The following COXFA4L2 variants were observed in gnomAD, a reference collection of about 807,000 sequenced individuals.
The protein encoded by COXFA4L2 is NADH dehydrogenase (ubiquinone) 1 alpha subcomplex, 4-like 2.
chr12:57,235,088 G>A, the COXFA4L2 span: 1 of 166,470 alleles, frequency 6.0e-6, no homozygotes, highest in East Asian at 1.7e-4. Context: ...AGGAGGCAAA[G>A]GTGCCCCAGC....
chr12:57,236,945 G>A, the COXFA4L2 span: 10 of 1,566,392 alleles, frequency 6.4e-6, no homozygotes, highest in South Asian at 1.0e-4. Flanking sequence ...AGGGACCTGG[G>A]CACAAGGCAA....
At chr12:57,237,204 C>T in the COXFA4L2 span, 27 of 1,581,364 alleles carry the variant, frequency 1.7e-5, no homozygotes, top group African/African-American at 2.7e-5. Context: ...TGGCCCAGCC[C>T]GTGCTTCTTT....
At chr12:57,235,179 G>A in the COXFA4L2 span, 16 of 251,982 alleles carry the variant, frequency 6.3e-5, no homozygotes, top group South Asian at 1.2e-4. Flanking sequence ...CGTGGAGCCC[G>A]CCACGTCGCT....
chr12:57,240,057 T>G, the COXFA4L2 span: 2 of 152,068 alleles, frequency 1.3e-5, no homozygotes, highest in Admixed American at 1.3e-4. Context: ...CTGTGGGACG[T>G]GGAGGGGCGC....
chr12:57,237,034 G>A, the COXFA4L2 span: 8 of 1,614,068 alleles, frequency 5.0e-6, no homozygotes, highest in South Asian at 5.5e-5. Flanking sequence ...CTCACCCCCG[G>A]ATGTCTTTTG....
the COXFA4L2 span, chr12:57,237,449 G>C: frequency 1.2e-6 from 1 of 818,948 alleles, no homozygotes; most frequent in East Asian, 5.4e-5. Flanking sequence ...CAGGCACTTA[G>C]CAAAATGCAT....
chr12:57,237,138 C>G, the COXFA4L2 span: 1 of 1,614,092 alleles, frequency 6.2e-7, no homozygotes, highest in Non-Finnish European at 8.5e-7. Flanking sequence ...TCTCCCTCCT[C>G]CTGGGGTCCC....
chr12:57,237,379 A>G, the COXFA4L2 span: 1 of 1,360,042 alleles, frequency 7.4e-7, no homozygotes, highest in African/African-American at 1.5e-5. Context: ...CTGGCATCTG[A>G]GGGAAGGACC....
At chr12:57,237,411 A>G in the COXFA4L2 span, 1 of 1,224,264 alleles carries the variant, frequency 8.2e-7, no homozygotes, top group South Asian at 1.8e-5. Flanking sequence ...GGACCCCATA[A>G]GATGTGGGAG....
At chr12:57,237,406 C>G in the COXFA4L2 span, 1 of 1,261,228 alleles carries the variant, frequency 7.9e-7, no homozygotes, top group Non-Finnish European at 1.0e-6. Flanking sequence ...GCATAGGACC[C>G]CATAAGATGT....
chr12:57,236,583 G>A, the COXFA4L2 span: 14 of 1,571,190 alleles, frequency 8.9e-6, no homozygotes, highest in African/African-American at 6.7e-5. Flanking sequence ...ATCCCAAGCC[G>A]TGCCTTTACC....
At chr12:57,236,267 G>A in the COXFA4L2 span, 3 of 362,302 alleles carry the variant, frequency 8.3e-6, no homozygotes, top group Non-Finnish European at 1.5e-5. Flanking sequence ...CAGCTCACCC[G>A]GCCACAACCC....
the COXFA4L2 span, chr12:57,240,213 G>T: frequency 6.6e-6 from 1 of 152,268 alleles, no homozygotes; most frequent in Admixed American, 6.5e-5. Context: ...CGGGAGCTGC[G>T]CGGTGAGCGA....
chr12:57,235,403 T>G, the COXFA4L2 span: 3 of 757,338 alleles, frequency 4.0e-6, no homozygotes, highest in Middle Eastern at 3.8e-4. Context: ...GGGAGGAGAG[T>G]AGGGGTGGAG....
At chr12:57,236,517 C>A in the COXFA4L2 span, 1 of 1,270,154 alleles carries the variant, frequency 7.9e-7, no homozygotes, top group Admixed American at 2.6e-5. Flanking sequence ...GGCACGGGAT[C>A]CCCACTAGGG....
chr12:57,237,637 C>T, the COXFA4L2 span, among the ~76,000 whole-genome samples: 1 of 152,208 alleles, frequency 6.6e-6, no homozygotes, highest in Non-Finnish European at 1.5e-5. Flanking sequence ...CTCCCCCAGC[C>T]CCTCTTGTTC....
At chr12:57,238,461 CCCTCCCGAGAGCCCGCG>C in the COXFA4L2 span, among the ~76,000 whole-genome samples, 2 of 152,200 alleles carry the variant, frequency 1.3e-5, no homozygotes, top group African/African-American at 2.4e-5. The surrounding 1 kb of genome is among the most constrained non-coding windows in gnomAD (Gnocchi z 6.8). Context: ...AGCAGCCCAG[CCCTCCCGAGAGCCCGCG>C]CCTCCAGGGC....
chr12:57,235,560 G>A, the COXFA4L2 span: 3 of 1,613,420 alleles, frequency 1.9e-6, no homozygotes, highest in South Asian at 3.3e-5. Context: ...AGCCCAGCCT[G>A]GCTTAGAAGT....
the COXFA4L2 span, chr12:57,235,677 G>A: frequency 2.5e-6 from 4 of 1,612,200 alleles, no homozygotes; most frequent in Non-Finnish European, 3.4e-6. Flanking sequence ...TTTGCTTCTA[G>A]TACGGGAGTT....
Sources: allele counts gnomAD v4.1 joint callset (sites outside exome capture counted in the v4.1 genomes callset), GRCh38; gene constraint gnomAD v4.1.1; non-coding constraint Gnocchi (gnomAD v3.1); transcripts MANE v1.5; gene names NCBI Gene and HGNC (gene_info 2026-07-23, HGNC 2026-07-21).